SLC25A21: variants seen among roughly 807,000 people sequenced by gnomAD.
SLC25A21 encodes the protein mitochondrial 2-oxodicarboxylate carrier.
Under a neutral mutation model 43.8 loss-of-function variants are expected in SLC25A21, and 47 were observed. The ratio of observed to expected loss-of-function variants is 1.07; its 90% CI spans 0.85 to 1.37. SLC25A21 has a LOEUF of 1.37. Ranked by LOEUF, SLC25A21 falls within the 40% of genes most tolerant of loss-of-function variation. The pLI, the probability that SLC25A21 is intolerant of heterozygous loss-of-function variation, is 0.00. For synonymous variants in SLC25A21, 131 were observed against 121.3 expected, an observed-to-expected ratio of 1.08 and a Z score of -0.52; for missense variants, 352 against 350.2, an observed-to-expected ratio of 1.00 and a Z score of -0.04.
At chr14:36,809,085 G>A (rs1888143586) in intron 3 of SLC25A21, 1 of 152,172 alleles carries the variant, frequency 6.6e-6, no homozygotes, top group Admixed American at 6.5e-5. Context: ...ATGGACACAT[G>A]GTAAATAGAG....
chr14:36,749,254 A>C (rs1391697085), intron 3 of SLC25A21, among the ~76,000 whole-genome samples: 1 of 152,132 alleles, frequency 6.6e-6, no homozygotes, highest in Admixed American at 6.6e-5. Flanking sequence ...TTGCTCAATT[A>C]AATTCTTCTA....
At chr14:37,097,439 T>A (rs1454524691) in intron 1 of SLC25A21, among the ~76,000 whole-genome samples, 2 of 152,106 alleles carry the variant, frequency 1.3e-5, no homozygotes, top group Non-Finnish European at 2.9e-5. Context: ...CAAAATTTGA[T>A]GTTCCTGGGG....
chr14:36,698,545 T>C (rs1305428640), intron 7 of SLC25A21, among the ~76,000 whole-genome samples: 2 of 152,234 alleles, frequency 1.3e-5, no homozygotes, highest in African/African-American at 4.8e-5. Flanking sequence ...CACTTTCAGG[T>C]ACACCAATCA....
At chr14:36,961,235 G>A (rs1171188098) in intron 1 of SLC25A21, among the ~76,000 whole-genome samples, 1 of 149,384 alleles carries the variant, frequency 6.7e-6, no homozygotes, top group African/African-American at 2.5e-5. Context: ...TTTTTGAGAC[G>A]GAGCCTCGCT....
chr14:36,993,986 AT>A (rs914202554), intron 1 of SLC25A21, among the ~76,000 whole-genome samples: 8 of 151,994 alleles, frequency 5.3e-5, no homozygotes, highest in Admixed American at 1.3e-4. Flanking sequence ...AGAGAGGAGC[AT>A]TTTTTTTCAT....
intron 1 of SLC25A21, among the ~76,000 whole-genome samples, chr14:36,915,097 G>A (rs1206196833): frequency 6.6e-6 from 1 of 151,902 alleles, no homozygotes; most frequent in Admixed American, 6.6e-5. Flanking sequence ...TATCAAATAT[G>A]TAGGGGTCTT....
intron 3 of SLC25A21, among the ~76,000 whole-genome samples, chr14:36,765,005 C>T (rs1886360125): frequency 6.6e-6 from 1 of 152,208 alleles, no homozygotes; most frequent in South Asian, 2.1e-4. Flanking sequence ...GCCAGGAGGG[C>T]CTATGTCCCT....
chr14:37,140,844 T>C lies in SLC25A21; in HGVS notation c.70+31437A>G, dbSNP rs1178136150. ...AGTCTGGTGGTACCATTTTTTTTTTTAACTTTATAAGATCTTAGAGCTGGG... is the reference window on the plus strand; with the variant it reads ...AGTCTGGTGGTACCATTTTTTTTTTCAACTTTATAAGATCTTAGAGCTGGG... On this transcript the variant is annotated intron_variant, in intron 1 of 9. Transcript: ENST00000331299. Among the ~76,000 whole-genome samples, 3 of 150,766 alleles carry C rather than the reference T, an allele frequency of 2.0e-5. No individual in the cohort carries two copies. In the East Asian group the frequency reaches 5.8e-4, roughly 29 times the overall value.
chr14:36,973,827 T>A (rs946619453), intron 1 of SLC25A21, among the ~76,000 whole-genome samples: 1 of 152,180 alleles, frequency 6.6e-6, no homozygotes, highest in Admixed American at 6.5e-5. Context: ...AACAGCAAGA[T>A]AATTCATTTA....
intron 1 of SLC25A21, among the ~76,000 whole-genome samples, chr14:37,150,775 C>G (rs10151092): frequency 0.92 from 139,651 of 152,138 alleles, 64,979 homozygotes; most frequent in Non-Finnish European, 1. Flanking sequence ...CTGTCCTAGG[C>G]GGACGCTCCA....
At chr14:36,792,234 C>T (rs1281050378) in intron 3 of SLC25A21, among the ~76,000 whole-genome samples, 1 of 152,058 alleles carries the variant, frequency 6.6e-6, no homozygotes, top group African/African-American at 2.4e-5. Context: ...GAGAATAGGG[C>T]AATATTTTCC....
At chr14:36,729,428 A>G in intron 5 of SLC25A21, 79 bp downstream of exon 5, 1 of 1,126,546 alleles carries the variant, frequency 8.9e-7, no homozygotes, top group Non-Finnish European at 1.2e-6. Flanking sequence ...TGGGCTTGGA[A>G]ATCAAAAGAG....
intron 3 of SLC25A21, among the ~76,000 whole-genome samples, chr14:36,792,295 A>T (rs868564565): frequency 2.0e-5 from 3 of 152,144 alleles, no homozygotes; most frequent in South Asian, 2.1e-4. Context: ...TGCTATCTGA[A>T]ATCTTTATAA....
At chr14:36,898,336 G>A (rs946562487) in intron 1 of SLC25A21, among the ~76,000 whole-genome samples, 3 of 152,192 alleles carry the variant, frequency 2.0e-5, no homozygotes, top group Admixed American at 1.3e-4. Flanking sequence ...TCCGATCCAG[G>A]CACAGGATAT....
At chr14:37,018,304 T>C (rs1960907659) in intron 1 of SLC25A21, among the ~76,000 whole-genome samples, 1 of 152,048 alleles carries the variant, frequency 6.6e-6, no homozygotes, top group Admixed American at 6.6e-5. Context: ...CTCAACACTG[T>C]TACCTATCTT....
At chr14:37,161,776 T>C (rs986212601) in intron 1 of SLC25A21, among the ~76,000 whole-genome samples, 1 of 151,310 alleles carries the variant, frequency 6.6e-6, no homozygotes, top group Non-Finnish European at 1.5e-5. Context: ...CTGGCTAACA[T>C]GGTGAAACCC....
Position 36,993,688 on chromosome 14 carries a change from T to A in SLC25A21, c.71-118684A>T, listed in dbSNP as rs192842041. Among the ~76,000 whole-genome samples, 182 of 152,274 alleles carry A rather than the reference T, an allele frequency of 1.2e-3. 1 individual carries two copies. The highest frequency in any genetic ancestry group is 4.4e-3 in the African/African-American group (182 of 41,558). On this transcript the variant is annotated intron_variant, in intron 1 of 9. Coordinates refer to ENST00000331299, the MANE Select transcript of SLC25A21 (RefSeq NM_030631.4). ...TTTCATTTCCAGACAATACATCTTA[T>A]CATCATTCTCATCATAAATGTTAAC...
intron 1 of SLC25A21, among the ~76,000 whole-genome samples, chr14:36,924,189 G>T (rs1419183450): frequency 1.3e-5 from 2 of 152,062 alleles, no homozygotes; most frequent in African/African-American, 2.4e-5. Context: ...TATACCCAAA[G>T]GAATATAAAT....
At chr14:36,936,935 A>G (rs1410210173) in intron 1 of SLC25A21, among the ~76,000 whole-genome samples, 1 of 152,076 alleles carries the variant, frequency 6.6e-6, no homozygotes, top group African/African-American at 2.4e-5. Flanking sequence ...AGGCTCATTT[A>G]TAACAGTGTA....
Sources: gnomAD v4.1 joint callset for allele counts (sites outside exome capture counted in the v4.1 genomes callset) on GRCh38, gnomAD v4.1.1 for gene constraint, MANE v1.5 for transcripts, NCBI Gene and HGNC (gene_info 2026-07-23, HGNC 2026-07-21) for gene names.